PRR16: variants seen among roughly 807,000 people sequenced by gnomAD.
PRR16 encodes protein Largen.
PRR16 carries 6 observed loss-of-function variants against 18.2 expected under a neutral mutation model. The ratio of observed to expected loss-of-function variants is 0.33; its 90% CI spans 0.18 to 0.65. PRR16 has a LOEUF of 0.65. Ranked by LOEUF, PRR16 falls within the 30% of genes least tolerant of loss-of-function variation. The pLI is 0.74. For synonymous variants in PRR16, 151 were observed against 147.8 expected (o/e 1.02, Z -0.16); for missense variants, 412 against 376.6 (o/e 1.09, Z -0.78).
the PRR16 span, among the ~76,000 whole-genome samples, chr5:120,733,157 C>G: frequency 6.6e-6 from 1 of 151,832 alleles, no homozygotes; most frequent in Non-Finnish European, 1.5e-5. Flanking sequence ...TTTGTTTTTT[C>G]TTTTTTGAGA....
chr5:120,708,000 AAAAAC>A, the PRR16 span, among the ~76,000 whole-genome samples: 2 of 152,240 alleles, frequency 1.3e-5, no homozygotes, highest in Non-Finnish European at 2.9e-5. Context: ...CTAAGAATGA[AAAAAC>A]AAAAGTATAA....
intron 1 of PRR16, among the ~76,000 whole-genome samples, chr5:120,641,422 C>A (rs1443634984): frequency 6.6e-6 from 1 of 152,038 alleles, no homozygotes; most frequent in East Asian, 1.9e-4. Flanking sequence ...TAAGAAATTG[C>A]AAGGGCATAG....
intron 1 of PRR16, among the ~76,000 whole-genome samples, chr5:120,633,164 C>T (rs1755114979): frequency 6.6e-6 from 1 of 151,992 alleles, no homozygotes; most frequent in Non-Finnish European, 1.5e-5. Context: ...ACAGTTTTTT[C>T]CAGACAAGCA....
intron 1 of PRR16, among the ~76,000 whole-genome samples, chr5:120,501,630 A>G (rs1196294675): frequency 3.9e-5 from 6 of 152,160 alleles, no homozygotes; most frequent in African/African-American, 1.4e-4. Flanking sequence ...AATGAGTGGA[A>G]CTATCCAAAT....
the PRR16 span, among the ~76,000 whole-genome samples, chr5:120,736,686 A>G: frequency 6.6e-6 from 1 of 151,618 alleles, no homozygotes; most frequent in South Asian, 2.1e-4. Context: ...AGTAGTATGT[A>G]TTTTAACAAT....
At chr5:120,768,394 G>C in the PRR16 span, among the ~76,000 whole-genome samples, 2 of 146,518 alleles carry the variant, frequency 1.4e-5, no homozygotes, top group Admixed American at 6.9e-5. Context: ...TGTCTCTATA[G>C]TATTTTAAGC....
the PRR16 span, among the ~76,000 whole-genome samples, chr5:120,698,474 C>T: frequency 1.2e-3 from 171 of 145,978 alleles, 1 homozygote; most frequent in African/African-American, 4.0e-3. Context: ...TTGGGGATAG[C>T]ACCAGGAGAT....
intron 1 of PRR16, among the ~76,000 whole-genome samples, chr5:120,499,219 C>G (rs371018296): frequency 6.6e-6 from 1 of 151,954 alleles, no homozygotes; most frequent in Non-Finnish European, 1.5e-5. Flanking sequence ...CAGCGACTCT[C>G]CTGTCTCAGC....
At chr5:120,529,424 T>G (rs1947460) in intron 1 of PRR16, among the ~76,000 whole-genome samples, 63,214 of 151,984 alleles carry the variant, frequency 0.42, 15,319 homozygotes, top group African/African-American at 0.67. Flanking sequence ...CTAAAATAAT[T>G]TATGCTGTGT....
intron 1 of PRR16, among the ~76,000 whole-genome samples, chr5:120,657,318 A>C (rs1005976611): frequency 8.4e-4 from 127 of 152,066 alleles, no homozygotes; most frequent in African/African-American, 2.8e-3. Flanking sequence ...GATAAACGGC[A>C]GCTTGAAGAA....
At chr5:120,708,440 T>A in the PRR16 span, among the ~76,000 whole-genome samples, 1 of 152,204 alleles carries the variant, frequency 6.6e-6, no homozygotes, top group East Asian at 1.9e-4. Context: ...AATGAGCTCC[T>A]GGTTGAATTT....
At chr5:120,517,859 C>T (rs147380898) in intron 1 of PRR16, among the ~76,000 whole-genome samples, 2 of 152,286 alleles carry the variant, frequency 1.3e-5, no homozygotes, top group African/African-American at 2.4e-5. Flanking sequence ...CCACTGCTCT[C>T]TTTGTGATCT....
chr5:120,595,498 T>C (rs1387845009), intron 1 of PRR16, among the ~76,000 whole-genome samples: 1 of 151,874 alleles, frequency 6.6e-6, no homozygotes, highest in Non-Finnish European at 1.5e-5. Flanking sequence ...ACACTGCTAG[T>C]GGCAGTGTAA....
At chr5:120,525,887 G>C (rs948040484) in intron 1 of PRR16, among the ~76,000 whole-genome samples, 1 of 152,146 alleles carries the variant, frequency 6.6e-6, no homozygotes, top group African/African-American at 2.4e-5. Context: ...ATTAGGCAAT[G>C]ATAAGCTTTG....
At position 120,489,976 on chromosome 5, in the gene PRR16, G is replaced by C. The variant is rs1021458550; in HGVS notation, c.159+25331G>C. On this transcript the variant is annotated intron_variant, in intron 1 of 1. Coordinates refer to ENST00000407149, the MANE Select transcript of PRR16 (RefSeq NM_001300783.2). ...CTTTTCTTTAAGAATGTTGAATATT[G>C]GCCCCCACTCTCTTCTGGCTTGTAG... 1.1e-4 allele frequency among the ~76,000 whole-genome samples: 16 copies of C among 152,174 alleles called. No homozygotes were observed. The East Asian group carries it at 3.1e-3, about 29-fold the overall frequency.
Position 120,464,505 on chromosome 5 carries a change from G to T in PRR16, c.19G>T (p.Gly7Trp). The change falls in exon 1 of 2, where the codon GGG becomes TGG. Residue 7 changes from glycine to tryptophan, a missense_variant. Physicochemically the swap from Gly to Trp is radical, Grantham distance 184. Transcript: ENST00000407149. ...CCAAAGAATGTCAGCCAAGTCCAAG[G>T]GGAACCCCTCCTCGTCCTGTCCAGC... MSAKSK[G>W]NPSSSCPAEG... 6.3e-7 allele frequency: 1 copy of T among 1,591,124 alleles called. No homozygotes were observed. The highest frequency in any genetic ancestry group is 8.5e-7 in the Non-Finnish European group (1 of 1,176,842).
intron 1 of PRR16, among the ~76,000 whole-genome samples, chr5:120,507,902 G>A (rs1750697428): frequency 1.3e-5 from 2 of 152,078 alleles, no homozygotes; most frequent in South Asian, 4.1e-4. Flanking sequence ...TGACAAAGCA[G>A]TGCATTTATA....
At chr5:120,516,154 T>A (rs56156405) in intron 1 of PRR16, among the ~76,000 whole-genome samples, 3,814 of 152,106 alleles carry the variant, frequency 0.025, 121 homozygotes, top group African/African-American at 0.074. Context: ...CTGGTCGTGG[T>A]GGTTTATGCC....
chr5:120,550,497 C>T (rs937261020), intron 1 of PRR16, among the ~76,000 whole-genome samples: 1 of 151,980 alleles, frequency 6.6e-6, no homozygotes, highest in Admixed American at 6.6e-5. Context: ...AGAGGAAGAA[C>T]ATTTCCATTG....
Sources: gnomAD v4.1 joint callset for allele counts (sites outside exome capture counted in the v4.1 genomes callset) on GRCh38, gnomAD v4.1.1 for gene constraint, MANE v1.5 for transcripts, NCBI Gene and HGNC (gene_info 2026-07-23, HGNC 2026-07-21) for gene names.